The following RIT2 variants were observed in gnomAD, a reference collection of about 807,000 sequenced individuals.
RIT2 encodes the protein GTP-binding protein Rit2.
RIT2 carries 24 observed loss-of-function variants against 23.7 expected under a neutral mutation model. The ratio of observed to expected loss-of-function variants is 1.01; its 90% confidence interval spans 0.73 to 1.43. The LOEUF (loss-of-function observed/expected upper bound fraction) is 1.43. Among genes scored for constraint, RIT2 ranks in the 40% most tolerant of loss-of-function variants. The pLI is 0.00. For missense variants in RIT2, 236 were observed against 266.9 expected (o/e 0.88, Z 0.81); for synonymous variants, 107 against 91.1 (o/e 1.17, Z -0.99).
chr18:42,842,772 C>CA (rs138719360), intron 4 of RIT2, among the ~76,000 whole-genome samples: 2,468 of 152,156 alleles, frequency 0.016, 76 homozygotes, highest in African/African-American at 0.057. Context: ...AGTCAAAACA[C>CA]AAAAAATTCA....
rs570628490 is a variant in RIT2 at position 42,768,899 on chromosome 18, T to C, written c.427-25179A>G. On this transcript the variant is annotated intron_variant, in intron 4 of 4. Coordinates refer to ENST00000326695, the MANE Select transcript of RIT2 (RefSeq NM_002930.4). ...CCAACTTCCCTTTGGACCAATACCCTTCTATTTCTCAACTCAATAGTTTTT... is the reference window on the plus strand; with the variant it reads ...CCAACTTCCCTTTGGACCAATACCCCTCTATTTCTCAACTCAATAGTTTTT... Among the ~76,000 whole-genome samples the C allele has an allele frequency of 3.9e-5, 6 of 152,000 alleles. No homozygotes were observed. In the East Asian group the frequency reaches 1.2e-3, roughly 29 times the overall value.
intron 2 of RIT2, among the ~76,000 whole-genome samples, chr18:43,013,075 C>T (rs753497880): frequency 6.6e-6 from 1 of 151,778 alleles, no homozygotes; most frequent in Non-Finnish European, 1.5e-5. Flanking sequence ...TTTTTCAGAA[C>T]AAATCCTCTC....
chr18:42,902,000 G>A (rs1483649124), intron 4 of RIT2, among the ~76,000 whole-genome samples: 2 of 151,618 alleles, frequency 1.3e-5, no homozygotes, highest in Non-Finnish European at 3.0e-5. Context: ...TTTTAGACCA[G>A]GCATTAAGGA....
chr18:43,098,462 C>T (rs897947186), intron 1 of RIT2, among the ~76,000 whole-genome samples: 1 of 151,840 alleles, frequency 6.6e-6, no homozygotes, highest in Non-Finnish European at 1.5e-5. Flanking sequence ...ATAGTTGTAA[C>T]ACACAGGGAT....
chr18:42,962,632 G>A (rs1305973156), intron 3 of RIT2, among the ~76,000 whole-genome samples: 1 of 152,116 alleles, frequency 6.6e-6, no homozygotes, highest in African/African-American at 2.4e-5. Flanking sequence ...AAAATTTTTG[G>A]CTTAGGAGCC....
At chr18:42,936,776 C>T (rs1909469600) in intron 3 of RIT2, among the ~76,000 whole-genome samples, 1 of 152,100 alleles carries the variant, frequency 6.6e-6, no homozygotes, top group Admixed American at 6.6e-5. Flanking sequence ...TTTTGGGAGG[C>T]TGAGGCGGGT....
intron 4 of RIT2, among the ~76,000 whole-genome samples, chr18:42,850,076 C>CGTGT (rs60962443): frequency 0.15 from 21,819 of 142,596 alleles, 1,710 homozygotes; most frequent in Middle Eastern, 0.26. Flanking sequence ...AAAATACACC[C>CGTGT]GTGTGTGTGT....
chr18:43,108,370 G>GTGTA (rs778451830), intron 1 of RIT2, among the ~76,000 whole-genome samples: 1 of 151,718 alleles, frequency 6.6e-6, no homozygotes, highest in Non-Finnish European at 1.5e-5. Flanking sequence ...GTGTGTGTGT[G>GTGTA]TACCTCAGTT....
chr18:42,991,541 C>T (rs1157854317), intron 2 of RIT2, among the ~76,000 whole-genome samples: 3 of 152,172 alleles, frequency 2.0e-5, no homozygotes, highest in Admixed American at 1.3e-4. Flanking sequence ...TCCCCTGTGA[C>T]CTGCATGTAC....
intron 4 of RIT2, among the ~76,000 whole-genome samples, chr18:42,817,168 G>T (rs191361401): frequency 6.6e-6 from 1 of 152,170 alleles, no homozygotes; most frequent in East Asian, 1.9e-4. Context: ...TATTTAAACA[G>T]ATCTGAATTC....
intron 4 of RIT2, among the ~76,000 whole-genome samples, chr18:42,880,077 G>A (rs913923612): frequency 6.6e-6 from 1 of 152,128 alleles, no homozygotes; most frequent in Non-Finnish European, 1.5e-5. Context: ...GGGATCTGGT[G>A]TCCCTGCTAC....
In RIT2 at chr18:42,991,671, T is replaced by C. The variant is rs113105708; in HGVS notation, c.161-17524A>G. 5.3e-5 allele frequency among the ~76,000 whole-genome samples: 8 copies of C among 152,186 alleles called. No homozygotes were observed. The South Asian group carries it at 1.2e-3, about 24-fold the overall frequency. On this transcript the variant is annotated intron_variant, in intron 2 of 4. Coordinates refer to ENST00000326695, the MANE Select transcript of RIT2 (RefSeq NM_002930.4). ...CCACGAAAGAAATGAAAATGGCCTG[T>C]TCCTGCCTTAACTGATGACATTATC...
chr18:42,917,292 C>T (rs2144125879), intron 4 of RIT2, among the ~76,000 whole-genome samples: 1 of 152,212 alleles, frequency 6.6e-6, no homozygotes. Flanking sequence ...TTTCTGTATG[C>T]TGCTTACATT....
chr18:42,923,324 T>C (rs1909098272), intron 4 of RIT2: 2 of 436,682 alleles, frequency 4.6e-6, no homozygotes, highest in Middle Eastern at 6.3e-4. Context: ...TTCTACTGTA[T>C]TCAGTATACA....
chr18:43,086,797 G>T (rs535499927), intron 1 of RIT2, among the ~76,000 whole-genome samples: 1 of 152,304 alleles, frequency 6.6e-6, no homozygotes, highest in South Asian at 2.1e-4. Context: ...CTGTGGAGAA[G>T]GAAGTGGGCA....
chr18:43,024,428 T>A (rs1911663228), intron 2 of RIT2, among the ~76,000 whole-genome samples: 1 of 152,002 alleles, frequency 6.6e-6, no homozygotes, highest in South Asian at 2.1e-4. Context: ...GAGACTTAAA[T>A]GTAAGACCTA....
At chr18:42,999,601 C>A (rs911858048) in intron 2 of RIT2, among the ~76,000 whole-genome samples, 1 of 151,896 alleles carries the variant, frequency 6.6e-6, no homozygotes, top group Non-Finnish European at 1.5e-5. Context: ...TTCCAAAAAT[C>A]GAAATGGCCC....
intron 4 of RIT2, among the ~76,000 whole-genome samples, chr18:42,760,470 C>T (rs1274297949): frequency 6.6e-6 from 1 of 152,192 alleles, no homozygotes; most frequent in East Asian, 1.9e-4. Context: ...ACTGCAATGG[C>T]TTGTCAGCTC....
At chr18:43,014,624 A>C (rs1485038957) in intron 2 of RIT2, among the ~76,000 whole-genome samples, 1 of 147,204 alleles carries the variant, frequency 6.8e-6, no homozygotes, top group African/African-American at 2.5e-5. Context: ...TAATAAATAA[A>C]TACATAAATT....
Sources: gnomAD v4.1 joint callset for allele counts (sites outside exome capture counted in the v4.1 genomes callset) on GRCh38, gnomAD v4.1.1 for gene constraint, MANE v1.5 for transcripts, NCBI Gene and HGNC (gene_info 2026-07-23, HGNC 2026-07-21) for gene names.